KCNK12: variants seen among roughly 807,000 people sequenced by gnomAD.
KCNK12 encodes potassium two pore domain channel subfamily K member 12, also known as potassium channel subfamily K member 12.
In KCNK12, 6 loss-of-function variants were observed where a neutral mutation model predicts 25.3. The observed-to-expected ratio is 0.24, with a 90% CI of 0.13 to 0.47. KCNK12 has a LOEUF of 0.47. KCNK12 is among the 20% of genes least tolerant of loss of function. The pLI is 0.99. For synonymous variants in KCNK12, 331 were observed against 311.1 expected, an observed-to-expected ratio of 1.06 and a Z score of -0.67; for missense variants, 444 against 661.7, an observed-to-expected ratio of 0.67 and a Z score of 3.61.
chr2:47,522,584 T>C (rs184123095), intron 1 of KCNK12, among the ~76,000 whole-genome samples: 109 of 152,346 alleles, frequency 7.2e-4, no homozygotes, highest in African/African-American at 2.4e-3. Flanking sequence ...CAAGTGATCC[T>C]TCCACCTCAG....
At position 47,521,000 on chromosome 2, in the gene KCNK12, C is replaced by G; in HGVS notation, c.1200G>C (p.Val400=). ...SETANGYPRS[V]CVNTRQNGFS... ...AGCCGTTCTGGCGCGTGTTGACGCA[C>G]ACGCTGCGCGGGTAGCCGTTGGCCG... Residue 400 remains valine, a synonymous_variant, in exon 2 of 2, where the codon GTG becomes GTC. Coordinates refer to ENST00000327876, the MANE Select transcript of KCNK12 (RefSeq NM_022055.2). This position sits in a 1 kb window ranked among gnomAD's most constrained non-coding sequence, Gnocchi z 5.0. The G allele has an allele frequency of 8.8e-6, 12 of 1,370,794 alleles. No homozygotes were observed. The highest frequency in any genetic ancestry group is 1.1e-5 in the Non-Finnish European group (12 of 1,058,504). The allele number at this position is 1,370,794 out of a possible 1,614,324, so 84.9% of individuals were successfully genotyped here.
intron 1 of KCNK12, among the ~76,000 whole-genome samples, chr2:47,541,838 T>G (rs906858714): frequency 9.9e-5 from 15 of 152,128 alleles, no homozygotes; most frequent in Non-Finnish European, 2.1e-4. Flanking sequence ...GCCTCCAGAA[T>G]TGTGAGAAAA....
At position 47,544,950 on chromosome 2, in the gene KCNK12, A is replaced by G. The variant is rs181268454; in HGVS notation, c.392-23142T>C. Among the ~76,000 whole-genome samples the G allele has an allele frequency of 3.3e-4, 51 of 152,348 alleles. No individual in the cohort carries two copies. In the East Asian group the frequency reaches 9.6e-3, roughly 29 times the overall value. ...CCCTGGAGTACTATTTTAGTGGTGA[A>G]GCTAAAGGCTTTTTTTCCCTGTCAC... is the stretch of plus-strand genomic sequence containing the variant. On this transcript the variant is annotated intron_variant, in intron 1 of 1. Coordinates refer to ENST00000327876, the MANE Select transcript of KCNK12 (RefSeq NM_022055.2).
chr2:47,521,881 T>TGGGGGGGGGG, intron 1 of KCNK12, 73 bp from the exon 2 acceptor site: 1 of 212,174 alleles, frequency 4.7e-6, no homozygotes, highest in Non-Finnish European at 7.7e-6. Flanking sequence ...GTGGGGGGTG[T>TGGGGGGGGGG]GGGGGCGGGG....
chr2:47,569,868 G>A lies in KCNK12; in HGVS notation c.391+73C>T, dbSNP rs942119444. 2.5e-6 allele frequency: 3 copies of A among 1,200,820 alleles called. No individual in the cohort carries two copies. The highest frequency in any genetic ancestry group is 3.2e-6 in the Non-Finnish European group (3 of 935,738). The allele number at this position is 1,200,820 out of a possible 1,614,324, so 74.4% of individuals were successfully genotyped here. A position where few individuals can be genotyped will look rare whatever the true frequency, so the allele number is the denominator to read the frequency against. On this transcript the variant is annotated intron_variant, in intron 1 of 1. Coordinates refer to ENST00000327876, the MANE Select transcript of KCNK12 (RefSeq NM_022055.2). The surrounding 1 kb of genome is among the most constrained non-coding windows in gnomAD (Gnocchi z 4.1). ...GGCAGAGCCGAGGGACGCGGACCGA[G>A]CGGCCGAGCAGTGGAAAGGGCGGCA...
At position 47,559,539 on chromosome 2, in the gene KCNK12, A is replaced by C. The variant is rs546777542; in HGVS notation, c.391+10402T>G. On this transcript the variant is annotated intron_variant, in intron 1 of 1. Transcript: ENST00000327876. ...TTGACAGAAATTACCTCTTTGCTGC[A>C]CTTCGAAGTAGTCATTCAATGCATA... Among the ~76,000 whole-genome samples the C allele has an allele frequency of 6.6e-5, 10 of 152,332 alleles. No individual in the cohort carries two copies. The South Asian group carries it at 2.1e-3, about 32-fold the overall frequency.
intron 1 of KCNK12, chr2:47,563,283 T>A (rs2104892003): frequency 4.3e-6 from 1 of 233,608 alleles, no homozygotes; most frequent in East Asian, 6.0e-5. Context: ...CACTCACCCC[T>A]TCTGGGAAGC....
rs145550136 is a variant in KCNK12, at chr2:47,554,372, C to T, written c.391+15569G>A. Among the ~76,000 whole-genome samples the T allele has an allele frequency of 4.0e-3, 607 of 152,192 alleles. 2 individuals are homozygous for T. Among genetic ancestry groups the T allele is most frequent in the Non-Finnish European group, 6.6e-3 (446 of 68,004 alleles). On this transcript the variant is annotated intron_variant, in intron 1 of 1. Transcript: ENST00000327876. Reference sequence around the variant, plus strand: ...ACAGTGACTAGGGGTTAGTGGGGGACACTACTGTAATCAGGGGGACCAGGG... The same window carrying T: ...ACAGTGACTAGGGGTTAGTGGGGGATACTACTGTAATCAGGGGGACCAGGG...
At chr2:47,530,821 C>A (rs1668905284) in intron 1 of KCNK12, among the ~76,000 whole-genome samples, 1 of 152,104 alleles carries the variant, frequency 6.6e-6, no homozygotes, top group Non-Finnish European at 1.5e-5. Flanking sequence ...TGATTATTGT[C>A]CCCAGTTGTG....
chr2:47,526,421 GAGAA>G lies in KCNK12; in HGVS notation c.392-4617_392-4614del, dbSNP rs1323111862. Among the ~76,000 whole-genome samples the G allele has an allele frequency of 2.3e-4, 30 of 129,440 alleles. No homozygotes were observed. The South Asian group carries it at 4.1e-3, about 18-fold the overall frequency. The allele number at this position is 129,440 out of a possible 152,430, so 84.9% of individuals were successfully genotyped here. A position where few individuals can be genotyped will look rare whatever the true frequency, so the allele number is the denominator to read the frequency against. On this transcript the variant is annotated intron_variant, in intron 1 of 1. Transcript: ENST00000327876. ...ACTCCCTCAGAAAAAAAAAAAAAAA[GAGAA>G]AGAAAGAAAAGAAACAAAGAAACTG...
rs1669135777 is a variant in KCNK12, at chr2:47,538,982, C to A, written c.392-17174G>T. Among the ~76,000 whole-genome samples the A allele has an allele frequency of 6.6e-6, 1 of 152,226 alleles. No homozygotes were observed. Among genetic ancestry groups the A allele is most frequent in the Non-Finnish European group, 1.5e-5 (1 of 68,038 alleles). ...GCTGAATTTATTTGATAACTGTCTT[C>A]TTTTTCTCTGTCAGCAGAGTCTCAT... On this transcript the variant is annotated intron_variant, in intron 1 of 1. Transcript: ENST00000327876. This position sits in a 1 kb window ranked among gnomAD's most constrained non-coding sequence, Gnocchi z 4.5.
intron 1 of KCNK12, among the ~76,000 whole-genome samples, chr2:47,546,843 C>T (rs1367329979): frequency 6.8e-6 from 1 of 147,958 alleles, no homozygotes; most frequent in Non-Finnish European, 1.5e-5. Context: ...CATGCTTGTG[C>T]AAGATGGACA....
chr2:47,526,319 T>A (rs1242961860), intron 1 of KCNK12, among the ~76,000 whole-genome samples: 1 of 144,176 alleles, frequency 6.9e-6, no homozygotes, highest in Non-Finnish European at 1.5e-5. Context: ...GGCAGGAGAA[T>A]GCCGTGAACC....
At position 47,512,659 on chromosome 2, in the gene KCNK12, C is replaced by T. The variant is rs1341447902; in HGVS notation, c.*8248G>A. The T allele has an allele frequency of 9.5e-6, 5 of 523,622 alleles. No individual in the cohort carries two copies. The highest frequency in any genetic ancestry group is 3.4e-6 in the Non-Finnish European group (1 of 296,332). The allele number at this position is 523,622 out of a possible 1,614,324, so 32.4% of individuals were successfully genotyped here. A position where few individuals can be genotyped will look rare whatever the true frequency, so the allele number is the denominator to read the frequency against. ...GCTAATGGGATGATGTGCCCTTGTA[C>T]ACCCACTGCCTCTGAACTCTGCTCT... On this transcript the variant is annotated 3_prime_UTR_variant, in exon 2 of 2. Coordinates refer to ENST00000327876, the MANE Select transcript of KCNK12 (RefSeq NM_022055.2).
chr2:47,561,003 C>A (rs1669657909), intron 1 of KCNK12, among the ~76,000 whole-genome samples: 1 of 152,216 alleles, frequency 6.6e-6, no homozygotes, highest in African/African-American at 2.4e-5. Flanking sequence ...CTGGCACCCA[C>A]ACATGGGGCT....
At chr2:47,554,350 G>C (rs1035859949) in intron 1 of KCNK12, among the ~76,000 whole-genome samples, 1 of 152,222 alleles carries the variant, frequency 6.6e-6, no homozygotes, top group Non-Finnish European at 1.5e-5. Context: ...GTGAGGGACA[G>C]TGACTAGGGG....
At chr2:47,554,231 G>A (rs1201648479) in intron 1 of KCNK12, among the ~76,000 whole-genome samples, 1 of 152,124 alleles carries the variant, frequency 6.6e-6, no homozygotes, top group Admixed American at 6.5e-5. Context: ...ATGGAGCAGG[G>A]AGTGAGCAGA....
In KCNK12 at chr2:47,560,696, T is replaced by G. The variant is rs1274035712; in HGVS notation, c.391+9245A>C. On this transcript the variant is annotated intron_variant, in intron 1 of 1. Coordinates refer to ENST00000327876, the MANE Select transcript of KCNK12 (RefSeq NM_022055.2). This position sits in a 1 kb window ranked among gnomAD's most constrained non-coding sequence, Gnocchi z 4.7. ...TTGCTGTCCTAGGATTTTTGGGAGCTTACTGAGTAAACACAGATAAAAACA... is the reference window on the plus strand; with the variant it reads ...TTGCTGTCCTAGGATTTTTGGGAGCGTACTGAGTAAACACAGATAAAAACA... Among the ~76,000 whole-genome samples, 1 of 152,194 alleles carries G rather than the reference T, an allele frequency of 6.6e-6. No individual in the cohort carries two copies. Among genetic ancestry groups the G allele is most frequent in the Non-Finnish European group, 1.5e-5 (1 of 68,036 alleles).
Position 47,566,434 on chromosome 2 carries a change from G to A in KCNK12, c.391+3507C>T, listed in dbSNP as rs1418102789. On this transcript the variant is annotated intron_variant, in intron 1 of 1. Transcript: ENST00000327876. The surrounding 1 kb of genome is among the most constrained non-coding windows in gnomAD (Gnocchi z 4.1). The stretch of plus-strand genomic sequence containing the variant: ...TGTGCACGTGTGTACACACACACGT[G>A]CACACACACATACACACACTGGTGC... 6.6e-6 allele frequency: 1 copy of A among 151,724 alleles called. No individual in the cohort carries two copies. The highest frequency in any genetic ancestry group is 2.4e-5 in the African/African-American group (1 of 41,352). The allele number at this position is 151,724 out of a possible 1,614,324, so 9.4% of individuals were successfully genotyped here.
Sources: gnomAD v4.1 joint callset for allele counts (sites outside exome capture counted in the v4.1 genomes callset) on GRCh38, gnomAD v4.1.1 for gene constraint, Gnocchi (gnomAD v3.1) non-coding constraint, MANE v1.5 for transcripts, NCBI Gene and HGNC (gene_info 2026-07-23, HGNC 2026-07-21) for gene names.